NUP153: variants seen among roughly 807,000 people sequenced by gnomAD.
NUP153 encodes nucleoporin 153.
NUP153 carries 27 observed loss-of-function variants against 134.6 expected under a neutral mutation model. That is an observed-to-expected ratio of 0.20 (90% CI 0.15 to 0.28). The LOEUF is 0.28. NUP153 is among the 10% of genes least tolerant of loss of function. NUP153 has a pLI of 1.00. For synonymous variants in NUP153, 640 were observed against 623.5 expected (o/e 1.03, Z -0.40); for missense variants, 1,821 against 1,731.3 (o/e 1.05, Z -0.92).
At chr6:17,633,453 A>G in intron 16 of NUP153, among the ~76,000 whole-genome samples, 1 of 152,212 alleles carries the variant, frequency 6.6e-6, no homozygotes, top group Middle Eastern at 3.2e-3. Context: ...GACATTTATT[A>G]AGCATCATAA....
At chr6:17,661,172 G>T (rs932361911) in intron 11 of NUP153, among the ~76,000 whole-genome samples, 5 of 152,194 alleles carry the variant, frequency 3.3e-5, no homozygotes, top group African/African-American at 1.2e-4. Flanking sequence ...AAATTATCCA[G>T]GTGTGGTGGC....
At chr6:17,700,632 G>T (rs1291987268) in intron 1 of NUP153, among the ~76,000 whole-genome samples, 1 of 152,104 alleles carries the variant, frequency 6.6e-6, no homozygotes, top group African/African-American at 2.4e-5. Context: ...TCAGATACCA[G>T]GCAGGACATA....
In NUP153 at chr6:17,681,168, G is replaced by A. The variant is rs564461570; in HGVS notation, c.335-5398C>T. On this transcript the variant is annotated intron_variant, in intron 2 of 21. Coordinates refer to ENST00000262077, the MANE Select transcript of NUP153 (RefSeq NM_005124.4). ...CATCACATTAAGTGAAATACACCAGGCACAAAAAGACAACTATCACATGTT... is the reference window on the plus strand; with the variant it reads ...CATCACATTAAGTGAAATACACCAGACACAAAAAGACAACTATCACATGTT... 2.0e-5 allele frequency among the ~76,000 whole-genome samples: 3 copies of A among 151,680 alleles called. No homozygotes were observed. In the East Asian group the frequency reaches 5.8e-4, roughly 29 times the overall value.
chr6:17,695,640 A>C (rs922767348), intron 1 of NUP153, among the ~76,000 whole-genome samples: 1 of 152,226 alleles, frequency 6.6e-6, no homozygotes, highest in African/African-American at 2.4e-5. Context: ...TGCACAGCCA[A>C]CTATAAGACA....
intron 1 of NUP153, among the ~76,000 whole-genome samples, chr6:17,697,929 A>AT (rs1457963557): frequency 6.6e-6 from 1 of 152,172 alleles, no homozygotes; most frequent in African/African-American, 2.4e-5. Flanking sequence ...ACTCCTTGTC[A>AT]TTCCTATATA....
chr6:17,626,073 A>G lies in NUP153; in HGVS notation c.3636T>C (p.Phe1212=). 6.2e-7 allele frequency: 1 copy of G among 1,614,058 alleles called. No individual in the cohort carries two copies. The highest frequency in any genetic ancestry group is 8.5e-7 in the Non-Finnish European group (1 of 1,180,032). The stretch of plus-strand genomic sequence containing the variant: ...GATTGGAGGAAGAGGTGGAACTACC[A>G]AATATGCCACCACCAGCAGAAGTGG... ...TPATSAGGGI[F]GSSTSSSNPP... The change falls in exon 19 of 22, where the codon TTT becomes TTC. Residue 1212 remains phenylalanine, a synonymous_variant. Coordinates refer to ENST00000262077, the MANE Select transcript of NUP153 (RefSeq NM_005124.4).
intron 20 of NUP153, among the ~76,000 whole-genome samples, chr6:17,624,264 G>A (rs1764803078): frequency 6.6e-6 from 1 of 152,102 alleles, no homozygotes; most frequent in Non-Finnish European, 1.5e-5. Context: ...GCACTTCAAA[G>A]CTAGCCTTGC....
At position 17,675,247 on chromosome 6, in the gene NUP153, G is replaced by A. The variant is rs761177025; in HGVS notation, c.705C>T (p.Ala235=). The A allele has an allele frequency of 1.2e-6, 2 of 1,613,970 alleles. No individual in the cohort carries two copies. The highest frequency in any genetic ancestry group is 1.3e-5 in the African/African-American group (1 of 74,910). ...TACTCACAGGGGAAAGTGTTCCAAA[G>A]GCAGACAAGTTGAATGCTGGTTTTT... is the stretch of plus-strand genomic sequence containing the variant. The part of the protein sequence containing the change: ...SSKKPAFNLS[A]FGTLSPSLGN... The change falls in exon 4 of 22, where the codon GCC becomes GCT. Residue 235 remains alanine (A), a synonymous_variant. Coordinates refer to ENST00000262077, the MANE Select transcript of NUP153 (RefSeq NM_005124.4). The surrounding 1 kb of genome is among the most constrained non-coding windows in gnomAD (Gnocchi z 4.4).
At position 17,637,391 on chromosome 6, in the gene NUP153, A is replaced by G; in HGVS notation, c.2226T>C (p.Cys742=). The change falls in exon 16 of 22, where the codon TGT becomes TGC. Residue 742 remains cysteine, a synonymous_variant. Coordinates refer to ENST00000262077, the MANE Select transcript of NUP153 (RefSeq NM_005124.4). ...LVQNKPEAIK[C]VACETPKPGT... ...CAGGTTTCGGTGTTTCACAGGCTAC[A>G]CATTTTATTGCTTCAGGTTTATTTT... 2 of 1,614,250 alleles carry G rather than the reference A, an allele frequency of 1.2e-6. No individual in the cohort carries two copies. Among genetic ancestry groups the G allele is most frequent in the Non-Finnish European group, 1.7e-6 (2 of 1,180,048 alleles).
chr6:17,671,589 CA>C (rs1466797859), intron 5 of NUP153, among the ~76,000 whole-genome samples: 1 of 152,096 alleles, frequency 6.6e-6, no homozygotes, highest in East Asian at 1.9e-4. Context: ...CTGAACACTA[CA>C]AAACACTGAT....
At chr6:17,669,896 A>ACCAG (rs1767788955) in intron 5 of NUP153, among the ~76,000 whole-genome samples, 1 of 151,946 alleles carries the variant, frequency 6.6e-6, no homozygotes, top group Non-Finnish European at 1.5e-5. Context: ...GGAGTTCAAG[A>ACCAG]CCAGCCTGGG....
Position 17,680,015 on chromosome 6 carries a change from A to G in NUP153, c.335-4245T>C, listed in dbSNP as rs1018040879. On this transcript the variant is annotated intron_variant, in intron 2 of 21. Transcript: ENST00000262077. This position sits in a 1 kb window ranked among gnomAD's most constrained non-coding sequence, Gnocchi z 4.5. ...ACCCTACCCTGCAGGTGCTTTGCCC[A>G]GCCCAGCCTGCATACCTTACCCCAT... 6.6e-6 allele frequency among the ~76,000 whole-genome samples: 1 copy of G among 152,168 alleles called. No homozygotes were observed.
At chr6:17,676,739 A>G (rs1271659771) in intron 2 of NUP153, among the ~76,000 whole-genome samples, 1 of 152,182 alleles carries the variant, frequency 6.6e-6, no homozygotes, top group Non-Finnish European at 1.5e-5. Context: ...CTCTCTGTCT[A>G]GGAACATTTT....
At position 17,624,728 on chromosome 6, in the gene NUP153, G is replaced by A; in HGVS notation, c.4007C>T (p.Pro1336Leu). 3.7e-6 allele frequency: 6 copies of A among 1,614,178 alleles called. No homozygotes were observed. Among genetic ancestry groups the A allele is most frequent in the Non-Finnish European group, 4.2e-6 (5 of 1,180,020 alleles). Residue 1336 changes from proline to leucine, a missense_variant, in exon 20 of 22, where the codon CCC becomes CTC. Pro to Leu is a moderately conservative substitution (Grantham distance 98). Coordinates refer to ENST00000262077, the MANE Select transcript of NUP153 (RefSeq NM_005124.4). The stretch of plus-strand genomic sequence containing the variant: ...TATAGATCCAAAGCCTGGGGGATTG[G>A]GCTGGCTGGCACCTTGACTTTGTCC... ...TFGQSQGASQ[P>L]NPPGFGSISS...
intron 13 of NUP153, among the ~76,000 whole-genome samples, chr6:17,646,543 T>A (rs1386564764): frequency 6.6e-6 from 1 of 152,148 alleles, no homozygotes; most frequent in East Asian, 1.9e-4. Flanking sequence ...GTCAAAAACA[T>A]ACTTTCACCT....
chr6:17,618,802 G>A (rs542637325), intron 20 of NUP153, among the ~76,000 whole-genome samples: 19 of 152,228 alleles, frequency 1.2e-4, no homozygotes, highest in South Asian at 6.2e-4. Flanking sequence ...TCCTGACCTC[G>A]TGATCTGCCC....
chr6:17,625,270 C>T lies in NUP153; in HGVS notation c.3902-437G>A, dbSNP rs1411097528. Among the ~76,000 whole-genome samples the T allele has an allele frequency of 6.6e-6, 1 of 152,186 alleles. No homozygotes were observed. ...CAAAGCTTGGGGCCAGGCACAGTGG[C>T]TCACACCTGTAATCTCAGCACTTTG... On this transcript the variant is annotated intron_variant, in intron 19 of 21. Transcript: ENST00000262077. This position sits in a 1 kb window ranked among gnomAD's most constrained non-coding sequence, Gnocchi z 4.7.
At chr6:17,700,184 C>CA (rs972870845) in intron 1 of NUP153, among the ~76,000 whole-genome samples, 8 of 150,344 alleles carry the variant, frequency 5.3e-5, no homozygotes, top group East Asian at 3.9e-4. Context: ...TGGTCTCCCA[C>CA]AAAAAAAAAG....
chr6:17,668,471 A>G (rs1767686285), intron 8 of NUP153, among the ~76,000 whole-genome samples: 1 of 152,178 alleles, frequency 6.6e-6, no homozygotes, highest in South Asian at 2.1e-4. Flanking sequence ...GCCCAAAAAA[A>G]AATTGGATGA....
Sources: gnomAD v4.1 joint callset for allele counts (sites outside exome capture counted in the v4.1 genomes callset) on GRCh38, gnomAD v4.1.1 for gene constraint, Gnocchi (gnomAD v3.1) non-coding constraint, MANE v1.5 for transcripts, NCBI Gene and HGNC (gene_info 2026-07-23, HGNC 2026-07-21) for gene names.